TLE3: variants seen among roughly 807,000 people sequenced by gnomAD.
TLE3 encodes TLE family member 3, transcriptional corepressor, also known as transducin-like enhancer protein 3.
In TLE3, 14 loss-of-function variants were observed where a neutral mutation model predicts 93.0. The ratio of observed to expected loss-of-function variants is 0.15; its 90% CI spans 0.10 to 0.24. The LOEUF (loss-of-function observed/expected upper bound fraction) is 0.24. Among genes scored for constraint, TLE3 ranks in the 10% least tolerant of loss-of-function variants. TLE3 has a pLI of 1.00. For synonymous variants in TLE3, 451 were observed against 425.0 expected, an observed-to-expected ratio of 1.06 and a Z score of -0.75; for missense variants, 693 against 1,046.6, an observed-to-expected ratio of 0.66 and a Z score of 4.66.
At position 70,097,081 on chromosome 15, in the gene TLE3, C is replaced by A. The variant is rs1164017780; in HGVS notation, c.-283G>T. The A allele has an allele frequency of 1.0e-5, 5 of 489,938 alleles. No individual in the cohort carries two copies. The highest frequency in any genetic ancestry group is 1.1e-5 in the Non-Finnish European group (3 of 285,204). 30.3% of individuals were successfully genotyped at this position (489,938 alleles called of 1,614,324 possible). On this transcript the variant is annotated 5_prime_UTR_variant, in exon 1 of 20. Transcript: ENST00000451782. The stretch of plus-strand genomic sequence containing the variant: ...TAGGGCTCGGCGGGCAGCGGCCGGC[C>A]GCCTTCCCTGGGCTGCGTCGAGCGC...
In TLE3 at chr15:70,050,035, G is replaced by C. The variant is rs1040986548; in HGVS notation, c.*62C>G. On this transcript the variant is annotated 3_prime_UTR_variant, in exon 20 of 20. Transcript: ENST00000451782. ...CATCCTCGGGGCCCCTCGCCTGGGG[G>C]TCTCCCTGTCAGAGCCGAGTCGGTT... 9 of 1,465,378 alleles carry C rather than the reference G, an allele frequency of 6.1e-6. No homozygotes were observed. In the African/African-American group the frequency reaches 1.3e-4, roughly 20 times the overall value. 90.8% of individuals were successfully genotyped at this position (1,465,378 alleles called of 1,614,324 possible).
intron 4 of TLE3, among the ~76,000 whole-genome samples, chr15:70,091,422 T>A (rs898310975): frequency 6.6e-6 from 1 of 152,210 alleles, no homozygotes; most frequent in Non-Finnish European, 1.5e-5. Context: ...CTGGAAAGCC[T>A]CTGCACAAAC....
chr15:70,094,927 G>T, intron 3 of TLE3: 1 of 230,658 alleles, frequency 4.3e-6, no homozygotes, highest in Non-Finnish European at 8.5e-6. Context: ...TTAGCACTGT[G>T]TCGAAGGCCT....
At chr15:70,062,550 G>A (rs374683527) in intron 8 of TLE3, among the ~76,000 whole-genome samples, 4 of 152,198 alleles carry the variant, frequency 2.6e-5, no homozygotes, top group African/African-American at 9.7e-5. Flanking sequence ...CTGGCTGGCA[G>A]GCGGCCAAAA....
At chr15:70,062,512 C>T (rs1226510417) in intron 8 of TLE3, among the ~76,000 whole-genome samples, 1 of 152,260 alleles carries the variant, frequency 6.6e-6, no homozygotes, top group African/African-American at 2.4e-5. Context: ...TCATGTCAGG[C>T]ATTTAGCGGC....
At chr15:70,078,702 C>A (rs986218458) in intron 4 of TLE3, among the ~76,000 whole-genome samples, 2 of 152,194 alleles carry the variant, frequency 1.3e-5, no homozygotes, top group Non-Finnish European at 2.9e-5. Context: ...TGGGGTGGCA[C>A]CTCCAAGCCA....
At chr15:70,059,083 C>G (rs1244156052) in intron 10 of TLE3, among the ~76,000 whole-genome samples, 1 of 152,182 alleles carries the variant, frequency 6.6e-6, no homozygotes, top group African/African-American at 2.4e-5. Context: ...TAGATGCTCT[C>G]CAGCTCCTCC....
chr15:70,066,299 T>G, intron 6 of TLE3, 81 bp from the exon 7 acceptor site: 8 of 1,205,876 alleles, frequency 6.6e-6, no homozygotes, highest in Non-Finnish European at 8.9e-6. Flanking sequence ...AGGGAGGGAG[T>G]GGCTCTTCCC....
Position 70,057,871 on chromosome 15 carries a change from T to G in TLE3, c.1052-213A>C, listed in dbSNP as rs979392854. 9.7e-6 allele frequency: 7 copies of G among 723,714 alleles called. No homozygotes were observed. The African/African-American group carries it at 1.2e-4, about 13-fold the overall frequency. The allele number at this position is 723,714 out of a possible 1,614,324, so 44.8% of individuals were successfully genotyped here. A position where few individuals can be genotyped will look rare whatever the true frequency, so the allele number is the denominator to read the frequency against. On this transcript the variant is annotated intron_variant, in intron 12 of 19. Coordinates refer to ENST00000451782, the MANE Select transcript of TLE3 (RefSeq NM_001105192.3). ...CCACCTCTTTTTACAGAGCAGGATA[T>G]GGAGGCCCAAATGGGCTTGCTTAGA...
In TLE3 at chr15:70,048,829, C is replaced by G. The variant is rs1378897012; in HGVS notation, c.*1268G>C. The G allele has an allele frequency of 2.0e-5, 3 of 152,184 alleles. No homozygotes were observed. In the South Asian group the frequency reaches 6.2e-4, roughly 31 times the overall value. The allele number at this position is 152,184 out of a possible 1,614,324, so 9.4% of individuals were successfully genotyped here. On this transcript the variant is annotated 3_prime_UTR_variant, in exon 20 of 20. Transcript: ENST00000451782. The stretch of plus-strand genomic sequence containing the variant: ...ATCTGTGTCCCCCTCTCCCACCCCC[C>G]AACCCCCACTGCTCTGCCCAGGGTG...
Position 70,097,322 on chromosome 15 carries a change from G to A in TLE3, c.-524C>T, listed in dbSNP as rs1206055269. 2.5e-6 allele frequency: 1 copy of A among 401,780 alleles called. No homozygotes were observed. The highest frequency in any genetic ancestry group is 4.4e-6 in the Non-Finnish European group (1 of 228,194). 24.9% of individuals were successfully genotyped at this position (401,780 alleles called of 1,614,324 possible). A position where few individuals can be genotyped will look rare whatever the true frequency, so the allele number is the denominator to read the frequency against. On this transcript the variant is annotated 5_prime_UTR_variant, in exon 1 of 20. Transcript: ENST00000451782. ...GGCCTGGGGCTCGCGGCGAGAAGAGGAAGGAGGCGGGCTACGAGGTGGTGG... is the reference window on the plus strand; with the variant it reads ...GGCCTGGGGCTCGCGGCGAGAAGAGAAAGGAGGCGGGCTACGAGGTGGTGG...
intron 4 of TLE3, among the ~76,000 whole-genome samples, chr15:70,077,224 A>C (rs948744622): frequency 2.0e-5 from 3 of 152,222 alleles, no homozygotes; most frequent in East Asian, 1.9e-4. Context: ...TCTCAGATCA[A>C]GAGTGGTGCT....
rs113553424 is a variant in TLE3 at position 70,050,427 on chromosome 15, C to T, written c.2203-223G>A. On this transcript the variant is annotated intron_variant, in intron 19 of 19. Transcript: ENST00000451782. Reference sequence around the variant, plus strand: ...GCATTTTCAGGTAGAGCTCCCCTCCCACCTGCTTTTCCATAAGGAAAAGCT... The same window carrying T: ...GCATTTTCAGGTAGAGCTCCCCTCCTACCTGCTTTTCCATAAGGAAAAGCT... 122 of 468,982 alleles carry T rather than the reference C, an allele frequency of 2.6e-4. 1 individual carries two copies. Among genetic ancestry groups the T allele is most frequent in the African/African-American group, 2.1e-3 (110 of 51,190 alleles). 29.1% of individuals were successfully genotyped at this position (468,982 alleles called of 1,614,324 possible).
intron 5 of TLE3, among the ~76,000 whole-genome samples, chr15:70,075,193 T>A (rs964289921): frequency 6.6e-6 from 1 of 152,220 alleles, no homozygotes; most frequent in Non-Finnish European, 1.5e-5. Context: ...TAATGTAAAC[T>A]ACGGACTTTG....
rs1250007843 is a variant in TLE3 at position 70,048,597 on chromosome 15, C to T, written c.*1500G>A. On this transcript the variant is annotated 3_prime_UTR_variant, in exon 20 of 20. Coordinates refer to ENST00000451782, the MANE Select transcript of TLE3 (RefSeq NM_001105192.3). ...CCATGGAGAGCCTGCCACCAGGACT[C>T]ACAGCGGCCTTTAGCTTTTCTTTAA... 6.7e-6 allele frequency: 1 copy of T among 150,204 alleles called. No homozygotes were observed. Among genetic ancestry groups the T allele is most frequent in the Non-Finnish European group, 1.5e-5 (1 of 67,728 alleles). The allele number at this position is 150,204 out of a possible 1,614,324, so 9.3% of individuals were successfully genotyped here. A position where few individuals can be genotyped will look rare whatever the true frequency, so the allele number is the denominator to read the frequency against.
At chr15:70,062,659 C>T (rs771382045) in intron 8 of TLE3, among the ~76,000 whole-genome samples, 18 of 152,198 alleles carry the variant, frequency 1.2e-4, no homozygotes, top group South Asian at 2.1e-4. Flanking sequence ...GCTTCCAGCC[C>T]GTCCCCCCAT....
intron 4 of TLE3, among the ~76,000 whole-genome samples, chr15:70,086,085 C>T (rs946181186): frequency 4.6e-5 from 7 of 152,192 alleles, no homozygotes; most frequent in African/African-American, 1.7e-4. Flanking sequence ...TCCCACCCGA[C>T]CAGTTAGACC....
chr15:70,095,467 C>A, intron 3 of TLE3, 111 bp downstream of exon 3: 1 of 1,545,182 alleles, frequency 6.5e-7, no homozygotes, highest in Non-Finnish European at 8.7e-7. Context: ...TCAGGGCCGC[C>A]CTGCGGCTGG....
intron 2 of TLE3, 91 bp downstream of exon 2, chr15:70,096,070 G>T: frequency 6.3e-6 from 9 of 1,417,944 alleles, no homozygotes; most frequent in Non-Finnish European, 8.5e-6. Context: ...CCTAGGTCGG[G>T]AGCCCCCTCC....
Sources: gnomAD v4.1 joint callset for allele counts (sites outside exome capture counted in the v4.1 genomes callset) on GRCh38, gnomAD v4.1.1 for gene constraint, MANE v1.5 for transcripts, NCBI Gene and HGNC (gene_info 2026-07-23, HGNC 2026-07-21) for gene names.